Variants in USP48 observed in about 807,000 individuals in gnomAD.
USP48 encodes ubiquitin carboxyl-terminal hydrolase 48.
In USP48, 43 loss-of-function variants were observed where a neutral mutation model predicts 150.7. The ratio of observed to expected loss-of-function variants is 0.29; its 90% CI spans 0.22 to 0.37. The LOEUF (loss-of-function observed/expected upper bound fraction) is 0.37. Ranked by LOEUF, USP48 falls within the 10% of genes least tolerant of loss-of-function variation. USP48 has a pLI of 1.00. For missense variants in USP48, 813 were observed against 1,249.6 expected, an observed-to-expected ratio of 0.65 and a Z score of 5.27; for synonymous variants, 396 against 425.9, an observed-to-expected ratio of 0.93 and a Z score of 0.86.
intron 11 of USP48, chr1:21,724,821 C>T (rs1240516655): frequency 1.3e-5 from 2 of 152,180 alleles, no homozygotes; most frequent in Middle Eastern, 3.4e-3. Flanking sequence ...AAACCAAACA[C>T]CTCAAAATGA....
chr1:21,780,773 C>T (rs1170969013), intron 1 of USP48, among the ~76,000 whole-genome samples: 2 of 133,894 alleles, frequency 1.5e-5, no homozygotes, highest in South Asian at 2.4e-4. Context: ...GACTGAGTCT[C>T]GCCCTGTTGC....
chr1:21,686,150 C>T (rs1445099001), intron 25 of USP48: 3 of 152,182 alleles, frequency 2.0e-5, no homozygotes, highest in Non-Finnish European at 4.4e-5. Flanking sequence ...ATTTGACTTC[C>T]TCTTTTCCAA....
chr1:21,735,885 GAA>G (rs10708405), intron 9 of USP48, among the ~76,000 whole-genome samples: 95 of 124,380 alleles, frequency 7.6e-4, no homozygotes, highest in South Asian at 2.1e-3. Flanking sequence ...AACAAGAGCG[GAA>G]AAAAAAAAAA....
intron 9 of USP48, among the ~76,000 whole-genome samples, chr1:21,730,630 G>A (rs1369703095): frequency 6.6e-6 from 1 of 151,812 alleles, no homozygotes; most frequent in African/African-American, 2.4e-5. Flanking sequence ...GGAGGCAGAG[G>A]TTGCAGTGTG....
chr1:21,740,612 T>C (rs1293510415), intron 8 of USP48, among the ~76,000 whole-genome samples: 2 of 152,060 alleles, frequency 1.3e-5, no homozygotes, highest in Admixed American at 1.3e-4. Context: ...CGAGTGACAA[T>C]CCTAAGGAAT....
At chr1:21,739,884 T>A (rs1443414985) in intron 8 of USP48, among the ~76,000 whole-genome samples, 2 of 152,180 alleles carry the variant, frequency 1.3e-5, no homozygotes, top group East Asian at 1.9e-4. Context: ...TTTTTTAGAT[T>A]CTATATATAG....
intron 22 of USP48, among the ~76,000 whole-genome samples, chr1:21,697,753 T>C (rs992746719): frequency 6.6e-6 from 1 of 151,486 alleles, no homozygotes; most frequent in Non-Finnish European, 1.5e-5. Context: ...CATCAACATA[T>C]AATTTTATTT....
intron 22 of USP48, among the ~76,000 whole-genome samples, chr1:21,696,737 C>A (rs1309254274): frequency 2.6e-5 from 4 of 152,068 alleles, no homozygotes; most frequent in Admixed American, 1.3e-4. Context: ...CCTGGGTGTG[C>A]ATGATACATG....
intron 1 of USP48, among the ~76,000 whole-genome samples, chr1:21,778,404 G>C (rs1427982507): frequency 6.6e-6 from 1 of 151,920 alleles, no homozygotes; most frequent in Admixed American, 6.6e-5. Flanking sequence ...AGAGCAATTG[G>C]AATCCTCATA....
intron 23 of USP48, among the ~76,000 whole-genome samples, chr1:21,691,591 C>A (rs1204017357): frequency 6.6e-6 from 1 of 152,132 alleles, no homozygotes; most frequent in African/African-American, 2.4e-5. Flanking sequence ...GCCGAGATTG[C>A]GCCACTGCAC....
intron 14 of USP48, among the ~76,000 whole-genome samples, chr1:21,719,220 T>C (rs1193947664): frequency 6.9e-6 from 1 of 145,652 alleles, no homozygotes; most frequent in African/African-American, 2.6e-5. Flanking sequence ...GGGCAGAGGT[T>C]GCAGTGAGCC....
chr1:21,708,736 T>C (rs1032198814), intron 15 of USP48, among the ~76,000 whole-genome samples: 2 of 148,934 alleles, frequency 1.3e-5, no homozygotes, highest in East Asian at 2.1e-4. Flanking sequence ...ACAAAACAAA[T>C]TGGCCGGGAG....
At position 21,695,087 on chromosome 1, in the gene USP48, C is replaced by A; in HGVS notation, c.2862G>T (p.Thr954=). Residue 954 remains threonine, a synonymous_variant, in exon 23 of 27, where the codon ACG becomes ACT. Transcript: ENST00000308271. ...EKALLVSANQ[T]LKELKIQIMH... ...TCACCTGAATTTTCAATTCTTTTAA[C>A]GTCTGATTAGCAGAAACGAGAAGTG... The A allele has an allele frequency of 1.2e-6, 2 of 1,611,858 alleles. No individual in the cohort carries two copies. The highest frequency in any genetic ancestry group is 1.1e-5 in the South Asian group (1 of 90,376).
chr1:21,770,431 T>C (rs115898455), intron 1 of USP48, among the ~76,000 whole-genome samples: 2 of 151,390 alleles, frequency 1.3e-5, no homozygotes, highest in South Asian at 2.1e-4. Flanking sequence ...ATCTTGGTGG[T>C]AGATATGGGA....
intron 14 of USP48, 43 bp downstream of exon 14, chr1:21,720,993 G>A: frequency 8.9e-6 from 14 of 1,572,562 alleles, no homozygotes; most frequent in Non-Finnish European, 1.2e-5. Context: ...ATATTTTCAT[G>A]GTATAGTTTC....
At chr1:21,781,828 TACAC>T (rs1557636009) in intron 1 of USP48, 1 of 152,266 alleles carries the variant, frequency 6.6e-6, no homozygotes, top group African/African-American at 2.4e-5. Flanking sequence ...ATTTCTATTA[TACAC>T]AGACTTCAAA....
At chr1:21,722,078 TG>T (rs1474014031) in intron 12 of USP48, among the ~76,000 whole-genome samples, 2 of 151,340 alleles carry the variant, frequency 1.3e-5, no homozygotes, top group Non-Finnish European at 1.5e-5. Flanking sequence ...GGTTCTAAGG[TG>T]GGGGGGTTAA....
intron 14 of USP48, among the ~76,000 whole-genome samples, chr1:21,715,820 C>T (rs1438217772): frequency 6.6e-6 from 1 of 152,198 alleles, no homozygotes; most frequent in Non-Finnish European, 1.5e-5. Context: ...CACCTACCTA[C>T]ACTTTTTGGG....
In USP48 at chr1:21,752,570, T is replaced by C; in HGVS notation, c.622A>G (p.Ile208Val). 1 of 1,613,450 alleles carries C rather than the reference T, an allele frequency of 6.2e-7. No individual in the cohort carries two copies. The highest frequency in any genetic ancestry group is 8.5e-7 in the Non-Finnish European group (1 of 1,179,900). ...SKQKNPDVRN[I>V]VQQQFCGEYA... ...TCTCCACAGAACTGCTGTTGAACAA[T>C]ATTGCGCACATCTGGATTCTTTTGT... The change falls in exon 5 of 27, where the codon ATT becomes GTT. Residue 208 changes from isoleucine (I) to valine (V), a missense_variant. Transcript: ENST00000308271.
Sources: gnomAD v4.1 joint callset for allele counts (sites outside exome capture counted in the v4.1 genomes callset) on GRCh38, gnomAD v4.1.1 for gene constraint, MANE v1.5 for transcripts, NCBI Gene and HGNC (gene_info 2026-07-23, HGNC 2026-07-21) for gene names.